TAS2R1: variants seen among roughly 807,000 people sequenced by gnomAD.
TAS2R1 encodes taste receptor type 2 member 1.
For synonymous variants in TAS2R1, 141 were observed against 134.2 expected (o/e 1.05, Z -0.35); for missense variants, 370 against 353.4 (o/e 1.05, Z -0.38).
chr5:9,724,810 G>A, the TAS2R1 span, among the ~76,000 whole-genome samples: 1 of 152,248 alleles, frequency 6.6e-6, no homozygotes, highest in South Asian at 2.1e-4. Context: ...CAGAAAGTGG[G>A]TATGGAGGCA....
intron 2 of TAS2R1, among the ~76,000 whole-genome samples, chr5:9,639,289 T>A (rs550259177): frequency 6.6e-6 from 1 of 152,176 alleles, no homozygotes; most frequent in Non-Finnish European, 1.5e-5. Flanking sequence ...TGGGAGTGCA[T>A]GCAAGGTACT....
chr5:9,802,100 T>C, the TAS2R1 span, among the ~76,000 whole-genome samples: 2 of 152,182 alleles, frequency 1.3e-5, 1 homozygote, highest in Admixed American at 1.3e-4. Context: ...AAGCACCACC[T>C]ACTGGCTGGC....
the TAS2R1 span, among the ~76,000 whole-genome samples, chr5:9,741,129 AT>A: frequency 6.6e-6 from 1 of 152,184 alleles, no homozygotes; most frequent in African/African-American, 2.4e-5. Context: ...TATATTATAT[AT>A]TTTATGCCAC....
At chr5:9,642,641 G>A (rs1301677785) in intron 2 of TAS2R1, among the ~76,000 whole-genome samples, 1 of 151,910 alleles carries the variant, frequency 6.6e-6, no homozygotes, top group East Asian at 1.9e-4. Flanking sequence ...CCCTTCCCTT[G>A]CTCAATTTAT....
the TAS2R1 span, among the ~76,000 whole-genome samples, chr5:9,877,712 G>A: frequency 3.9e-5 from 6 of 152,306 alleles, no homozygotes; most frequent in Non-Finnish European, 7.4e-5. Context: ...CAACAGAGCC[G>A]AGAGAAATTA....
chr5:9,806,778 C>T, the TAS2R1 span, among the ~76,000 whole-genome samples: 2 of 152,010 alleles, frequency 1.3e-5, no homozygotes, highest in African/African-American at 4.8e-5. Flanking sequence ...AGATCTATGA[C>T]CTGAAACCAT....
chr5:9,745,030 T>G, the TAS2R1 span, among the ~76,000 whole-genome samples: 1 of 152,314 alleles, frequency 6.6e-6, no homozygotes. Context: ...CAATGACATT[T>G]CTGCTTGAGG....
At chr5:9,734,338 C>G in the TAS2R1 span, among the ~76,000 whole-genome samples, 2 of 152,138 alleles carry the variant, frequency 1.3e-5, no homozygotes, top group African/African-American at 4.8e-5. Context: ...AACTCACTAC[C>G]TTTAAATATT....
the TAS2R1 span, among the ~76,000 whole-genome samples, chr5:9,794,755 T>C: frequency 6.6e-6 from 1 of 152,214 alleles, no homozygotes; most frequent in African/African-American, 2.4e-5. Context: ...AACATAAGTA[T>C]GGTTGTTCTG....
chr5:9,693,186 A>C (rs1741282933), intron 1 of TAS2R1, among the ~76,000 whole-genome samples: 2 of 152,188 alleles, frequency 1.3e-5, no homozygotes, highest in South Asian at 4.1e-4. Flanking sequence ...TCTGATGAAT[A>C]TATAGATTGT....
the TAS2R1 span, among the ~76,000 whole-genome samples, chr5:9,832,510 A>G: frequency 3.5e-4 from 53 of 152,348 alleles, no homozygotes; most frequent in African/African-American, 1.2e-3. Flanking sequence ...GTAGCTGGAA[A>G]GCAGTGCTTC....
chr5:9,763,689 G>C, the TAS2R1 span, among the ~76,000 whole-genome samples: 1 of 152,120 alleles, frequency 6.6e-6, no homozygotes, highest in Non-Finnish European at 1.5e-5. Flanking sequence ...ATGCAAAAGC[G>C]AGAATCGGAA....
chr5:9,701,786 G>C (rs894518200), intron 1 of TAS2R1, among the ~76,000 whole-genome samples: 2 of 152,064 alleles, frequency 1.3e-5, no homozygotes. Flanking sequence ...CCCAAATCAA[G>C]TTTACACACC....
At chr5:9,667,474 C>T (rs1740657776) in intron 1 of TAS2R1, among the ~76,000 whole-genome samples, 3 of 152,196 alleles carry the variant, frequency 2.0e-5, no homozygotes, top group Admixed American at 2.0e-4. Flanking sequence ...TGCCCAGTGG[C>T]CTCACTTTTG....
intron 1 of TAS2R1, among the ~76,000 whole-genome samples, chr5:9,688,723 T>C (rs1308779226): frequency 6.6e-6 from 1 of 152,202 alleles, no homozygotes; most frequent in African/African-American, 2.4e-5. Context: ...AATGCTGGTC[T>C]GATGATGGTG....
chr5:9,774,329 G>T, the TAS2R1 span, among the ~76,000 whole-genome samples: 1 of 152,190 alleles, frequency 6.6e-6, no homozygotes, highest in Non-Finnish European at 1.5e-5. Context: ...TTCCTCTGCT[G>T]TGTTATCTTG....
At chr5:9,794,534 C>G in the TAS2R1 span, among the ~76,000 whole-genome samples, 1 of 152,046 alleles carries the variant, frequency 6.6e-6, no homozygotes, top group African/African-American at 2.4e-5. Context: ...TTATTTTACA[C>G]AAAAATTACT....
intron 1 of TAS2R1, among the ~76,000 whole-genome samples, chr5:9,691,183 T>C (rs982248132): frequency 3.3e-5 from 5 of 152,168 alleles, no homozygotes; most frequent in Non-Finnish European, 7.4e-5. Flanking sequence ...TGTGTCCTCA[T>C]AAGAGACATT....
chr5:9,869,553 A>T, the TAS2R1 span, among the ~76,000 whole-genome samples: 35 of 152,292 alleles, frequency 2.3e-4, no homozygotes, highest in Non-Finnish European at 4.3e-4. Flanking sequence ...TAGGGTGGAG[A>T]CATAGCCAAA....
Sources: allele counts gnomAD v4.1 joint callset (sites outside exome capture counted in the v4.1 genomes callset), GRCh38; gene constraint gnomAD v4.1.1; transcripts MANE v1.5; gene names NCBI Gene and HGNC (gene_info 2026-07-23, HGNC 2026-07-21).